GARRE1: variants seen among roughly 807,000 people sequenced by gnomAD.
The protein encoded by GARRE1 is granule associated Rac and RHOG effector protein 1.
In GARRE1, 49 loss-of-function variants were observed where a neutral mutation model predicts 103.2. The ratio of observed to expected loss-of-function variants is 0.47; its 90% CI spans 0.38 to 0.60. The LOEUF (loss-of-function observed/expected upper bound fraction) is 0.60. Among genes scored for constraint, GARRE1 ranks in the 20% least tolerant of loss-of-function variants. The pLI, the probability that GARRE1 is intolerant of heterozygous loss-of-function variation, is 0.00. For missense variants in GARRE1, 1,199 were observed against 1,370.5 expected (o/e 0.87, Z 1.98); for synonymous variants, 505 against 532.8 (o/e 0.95, Z 0.72).
intron 1 of GARRE1, chr19:34,296,399 T>A (rs1599760766): frequency 6.6e-7 from 1 of 1,524,370 alleles, no homozygotes; most frequent in East Asian, 2.2e-5. Flanking sequence ...ACAGCCTGAG[T>A]CCCTTGGCAG....
intron 12 of GARRE1, 97 bp downstream of exon 12, chr19:34,349,250 A>G: frequency 8.0e-7 from 1 of 1,246,184 alleles, no homozygotes; most frequent in Non-Finnish European, 1.1e-6. Context: ...AGTCACCTCC[A>G]GTCTCCCTGT....
intron 1 of GARRE1, among the ~76,000 whole-genome samples, chr19:34,267,062 G>A (rs2073757137): frequency 1.3e-5 from 2 of 152,178 alleles, no homozygotes; most frequent in African/African-American, 2.4e-5. Flanking sequence ...CCAGGAGTTC[G>A]AGACCAACCT....
At chr19:34,321,166 C>T (rs901471430) in intron 3 of GARRE1, among the ~76,000 whole-genome samples, 1 of 147,282 alleles carries the variant, frequency 6.8e-6, no homozygotes, top group African/African-American at 2.5e-5. Flanking sequence ...ACGCCATTCT[C>T]CTGCCTCGGC....
rs777272591 is a variant in GARRE1 at position 34,348,997 on chromosome 19, TTC to T, written c.2688-11_2688-10del. 1 of 1,608,506 alleles carries T rather than the reference TTC, an allele frequency of 6.2e-7. No individual in the cohort carries two copies. The highest frequency in any genetic ancestry group is 8.5e-7 in the Non-Finnish European group (1 of 1,179,844). ...GGGCTGCAGGAGGCCCTGGCCCAGC[TTC>T]TCTCTCTGGCTTTCAGGGATGGCCT... On this transcript the variant is annotated splice_polypyrimidine_tract_variant and intron_variant, in intron 11 of 13. Transcript: ENST00000299505.
Position 34,341,800 on chromosome 19 carries a change from G to A in GARRE1, c.1866G>A (p.Arg622=). 1.2e-6 allele frequency: 2 copies of A among 1,614,224 alleles called. No individual in the cohort carries two copies. Among genetic ancestry groups the A allele is most frequent in the Non-Finnish European group, 1.7e-6 (2 of 1,180,026 alleles). Reference sequence around the variant, plus strand: ...TGGCCAATGGCTTTCTCATGGAGAGGCGTGAGAACTTCCTGCATGGAGATG... The same window carrying A: ...TGGCCAATGGCTTTCTCATGGAGAGACGTGAGAACTTCCTGCATGGAGATG... ...NTVANGFLME[R]RENFLHGDDG... is the part of the protein sequence containing the mutation. The change falls in exon 10 of 14, where the codon AGG becomes AGA. Residue 622 remains arginine, a synonymous_variant. Coordinates refer to ENST00000299505, the MANE Select transcript of GARRE1 (RefSeq NM_014686.5).
At position 34,327,876 on chromosome 19, in the gene GARRE1, T is replaced by C; in HGVS notation, c.942+10T>C. 6.2e-7 allele frequency: 1 copy of C among 1,614,130 alleles called. No individual in the cohort carries two copies. On this transcript the variant is annotated intron_variant, in intron 5 of 13. Transcript: ENST00000299505. ...TGAAGCAAGTTTGCAGGTACACTTT[T>C]CCTTCCTAAAGCTCTGGGGACCTAT... is the stretch of plus-strand genomic sequence containing the variant.
At chr19:34,345,445 TCA>T (rs1202537437) in intron 10 of GARRE1, among the ~76,000 whole-genome samples, 9 of 152,226 alleles carry the variant, frequency 5.9e-5, no homozygotes, top group Non-Finnish European at 1.3e-4. Context: ...GTGCGTTTTC[TCA>T]GTTGATCATA....
intron 3 of GARRE1, among the ~76,000 whole-genome samples, chr19:34,324,123 C>G (rs1045530618): frequency 1.3e-5 from 2 of 152,088 alleles, no homozygotes; most frequent in East Asian, 3.9e-4. Context: ...TTCTGTGGTG[C>G]GACCTAGTGT....
intron 1 of GARRE1, among the ~76,000 whole-genome samples, chr19:34,254,846 G>A (rs1293330873): frequency 6.7e-6 from 1 of 150,172 alleles, no homozygotes; most frequent in African/African-American, 2.4e-5. Context: ...AGCCCGGAGG[G>A]GCCTCCTGGC....
intron 1 of GARRE1, 131 bp from the exon 2 acceptor site, chr19:34,299,548 C>T (rs970968545): frequency 3.3e-5 from 5 of 152,200 alleles, no homozygotes; most frequent in Admixed American, 2.0e-4. Context: ...ACTATTGTAC[C>T]TGCTCCTCTA....
chr19:34,318,656 AAAC>A (rs2074070973), intron 2 of GARRE1, among the ~76,000 whole-genome samples: 1 of 152,262 alleles, frequency 6.6e-6, no homozygotes, highest in Non-Finnish European at 1.5e-5. Context: ...GATGTGGGCA[AAAC>A]AACTATGAGA....
Position 34,300,238 on chromosome 19 carries a change from T to G in GARRE1, c.-236T>G. On this transcript the variant is annotated 5_prime_UTR_variant, in exon 2 of 14. Coordinates refer to ENST00000299505, the MANE Select transcript of GARRE1 (RefSeq NM_014686.5). ...AATGCTAAACAGTTCTTATCCAGCA[T>G]TTTGGACATCTTTTATTTTTTGTCA... The G allele has an allele frequency of 7.1e-6, 3 of 420,672 alleles. No homozygotes were observed. Among genetic ancestry groups the G allele is most frequent in the Non-Finnish European group, 8.4e-6 (2 of 238,818 alleles). The allele number at this position is 420,672 out of a possible 1,614,324, so 26.1% of individuals were successfully genotyped here. A position where few individuals can be genotyped will look rare whatever the true frequency, so the allele number is the denominator to read the frequency against.
intron 10 of GARRE1, among the ~76,000 whole-genome samples, chr19:34,346,774 G>A (rs1199774172): frequency 1.3e-5 from 2 of 151,722 alleles, no homozygotes; most frequent in Admixed American, 6.6e-5. Flanking sequence ...CTGCCACTAC[G>A]TCCAGCTAAT....
At position 34,342,437 on chromosome 19, in the gene GARRE1, C is replaced by T. The variant is rs1317717318; in HGVS notation, c.2503C>T (p.Leu835=). 3 of 1,612,246 alleles carry T rather than the reference C, an allele frequency of 1.9e-6. No individual in the cohort carries two copies. The African/African-American group carries it at 4.0e-5, about 22-fold the overall frequency. The change falls in exon 10 of 14, where the codon CTG becomes TTG. Residue 835 remains leucine, a synonymous_variant. Coordinates refer to ENST00000299505, the MANE Select transcript of GARRE1 (RefSeq NM_014686.5). ...DGVFGMLGEI[L]PFDPAVGSDP... is the part of the protein sequence containing the mutation. ...AGTCTTTGGAATGCTGGGAGAGATT[C>T]TGCCTTTTGATCCTGCAGGTATGTG...
chr19:34,296,432 A>G, intron 1 of GARRE1: 1 of 1,586,958 alleles, frequency 6.3e-7, no homozygotes, highest in Non-Finnish European at 8.5e-7. Context: ...CACACTTCCC[A>G]AGCTTGGGGT....
intron 2 of GARRE1, among the ~76,000 whole-genome samples, chr19:34,311,488 A>G (rs328414): frequency 0.78 from 118,102 of 152,120 alleles, 46,442 homozygotes; most frequent in African/African-American, 0.82. Flanking sequence ...GGAGCCTCGC[A>G]TGAGTGTGCC....
At chr19:34,301,000 GA>G in intron 2 of GARRE1, 32 bp downstream of exon 2, 2 of 1,565,484 alleles carry the variant, frequency 1.3e-6, no homozygotes, top group Non-Finnish European at 1.7e-6. Flanking sequence ...ACTTGTGTAG[GA>G]AAATATACTA....
Position 34,327,544 on chromosome 19 carries a change from A to G in GARRE1, c.829A>G (p.Ile277Val). ...EHQLKELNIK[I>V]DSALQAYKIA... ...CCAGCTAAAAGAACTGAACATAAAA[A>G]TCGACAGTGCTTTGCAAGTAAGTTT... The change falls in exon 4 of 14, where the codon ATC becomes GTC. Residue 277 changes from isoleucine (I) to valine (V), a missense_variant. Transcript: ENST00000299505. 1 of 1,613,922 alleles carries G rather than the reference A, an allele frequency of 6.2e-7. No individual in the cohort carries two copies.
chr19:34,333,718 A>G lies in GARRE1; in HGVS notation c.1278A>G (p.Thr426=), dbSNP rs767261432. 3.2e-6 allele frequency: 5 copies of G among 1,556,034 alleles called. No individual in the cohort carries two copies. The South Asian group carries it at 4.5e-5, about 14-fold the overall frequency. ...FGQAGLVVVD[T]AQIENKEAYA... ...TTCGATCTTAGGTGGTGGTTGACAC[A>G]GCACAGATTGAGAATAAAGAAGCCT... is the stretch of plus-strand genomic sequence containing the variant. The change falls in exon 8 of 14, where the codon ACA becomes ACG. Residue 426 remains threonine, a synonymous_variant. Transcript: ENST00000299505.
Sources: allele counts gnomAD v4.1 joint callset (sites outside exome capture counted in the v4.1 genomes callset), GRCh38; gene constraint gnomAD v4.1.1; transcripts MANE v1.5; gene names NCBI Gene and HGNC (gene_info 2026-07-23, HGNC 2026-07-21).